AAK1: variants seen among roughly 807,000 people sequenced by gnomAD.
AAK1 encodes AP2-associated protein kinase 1.
A neutral mutation model predicts 116.0 loss-of-function variants in AAK1; 37 were observed. The observed-to-expected ratio is 0.32, with a 90% CI of 0.25 to 0.42. The LOEUF (loss-of-function observed/expected upper bound fraction) is 0.42, where lower values mean the gene tolerates loss of function less well. Among genes scored for constraint, AAK1 ranks in the 10% least tolerant of loss-of-function variants. The pLI is 1.00. For missense variants in AAK1, 919 were observed against 1,170.6 expected (o/e 0.79, Z 3.14); for synonymous variants, 458 against 439.9 (o/e 1.04, Z -0.51).
intron 20 of AAK1, among the ~76,000 whole-genome samples, chr2:69,478,104 T>TTGAAGG (rs1674919976): frequency 6.6e-6 from 1 of 152,254 alleles, no homozygotes; most frequent in African/African-American, 2.4e-5. Flanking sequence ...CAATCATGAC[T>TTGAAGG]TGAAGGTGAA....
At chr2:69,633,049 A>T (rs189402156) in intron 2 of AAK1, among the ~76,000 whole-genome samples, 335 of 150,274 alleles carry the variant, frequency 2.2e-3, no homozygotes, top group African/African-American at 7.5e-3. Flanking sequence ...AAAAATAAAT[A>T]AAAATAAAAA....
chr2:69,610,050 CAAAAAAAAAA>C (rs760754177), intron 2 of AAK1, among the ~76,000 whole-genome samples: 17 of 53,540 alleles, frequency 3.2e-4, no homozygotes, highest in Admixed American at 2.8e-3. Context: ...GACTCTGTCT[CAAAAAAAAAA>C]AAAAAAAAAA....
At chr2:69,603,686 A>G (rs1413396272) in intron 2 of AAK1, among the ~76,000 whole-genome samples, 1 of 152,224 alleles carries the variant, frequency 6.6e-6, no homozygotes, top group Non-Finnish European at 1.5e-5. Flanking sequence ...ATTTAGGTAT[A>G]CAATTTAAAA....
chr2:69,595,439 A>G (rs983675239), intron 2 of AAK1, among the ~76,000 whole-genome samples: 1 of 152,206 alleles, frequency 6.6e-6, no homozygotes, highest in East Asian at 1.9e-4. Context: ...TTGAAGTGCT[A>G]CATGAATGAT....
At position 69,465,621 on chromosome 2, in the gene AAK1, C is replaced by T. The variant is rs373774938; in HGVS notation, c.*10248G>A. The T allele has an allele frequency of 9.2e-5, 119 of 1,290,780 alleles. No individual in the cohort carries two copies. Among genetic ancestry groups the T allele is most frequent in the East Asian group, 6.1e-4 (11 of 18,042 alleles). 80.0% of individuals were successfully genotyped at this position (1,290,780 alleles called of 1,614,324 possible). On this transcript the variant is annotated 3_prime_UTR_variant, in exon 22 of 22. Transcript: ENST00000409085. ...TGGCTCGTCTTCTGGGCTATAGTGA[C>T]GGGAATACTTGGATAAGGACTGGGG...
At chr2:69,641,060 G>A (rs1675700164) in intron 2 of AAK1, among the ~76,000 whole-genome samples, 1 of 152,164 alleles carries the variant, frequency 6.6e-6, no homozygotes, top group African/African-American at 2.4e-5. Context: ...AATACGTGAT[G>A]CGCAGTTCTC....
chr2:69,612,344 C>T (rs1194197040), intron 2 of AAK1, among the ~76,000 whole-genome samples: 1 of 152,198 alleles, frequency 6.6e-6, no homozygotes, highest in Non-Finnish European at 1.5e-5. Context: ...AGTCCTTCTA[C>T]CTATTAGCAG....
intron 17 of AAK1, among the ~76,000 whole-genome samples, chr2:69,488,178 G>GTT (rs1491220244): frequency 6.6e-6 from 1 of 150,884 alleles, no homozygotes; most frequent in African/African-American, 2.5e-5. Flanking sequence ...GTGTGTGTGT[G>GTT]TTTGAGGGAG....
At chr2:69,546,183 A>G (rs1417861849) in intron 3 of AAK1, among the ~76,000 whole-genome samples, 1 of 152,168 alleles carries the variant, frequency 6.6e-6, no homozygotes, top group Non-Finnish European at 1.5e-5. Flanking sequence ...GAGAACTCAA[A>G]TGAGTTCGTA....
chr2:69,614,455 T>C (rs1674226804), intron 2 of AAK1, among the ~76,000 whole-genome samples: 1 of 152,118 alleles, frequency 6.6e-6, no homozygotes, highest in Admixed American at 6.5e-5. Flanking sequence ...AGCTGAAAGT[T>C]TCCCGAGAGT....
Position 69,473,994 on chromosome 2 carries a change from C to T in AAK1, c.*1875G>A, listed in dbSNP as rs1674764017. 1.0e-6 allele frequency: 1 copy of T among 985,804 alleles called. No homozygotes were observed. 61.1% of individuals were successfully genotyped at this position (985,804 alleles called of 1,614,324 possible). On this transcript the variant is annotated 3_prime_UTR_variant, in exon 22 of 22. Transcript: ENST00000409085. ...TGCCTCTCTCAGTTTTGGAAATGGT[C>T]TGTTATTCAACTAGAGGCCTTTACC...
At chr2:69,592,666 GAA>G (rs923755566) in intron 2 of AAK1, among the ~76,000 whole-genome samples, 1 of 152,068 alleles carries the variant, frequency 6.6e-6, no homozygotes, top group African/African-American at 2.4e-5. Context: ...AGTGGCAAGT[GAA>G]AAAAAGTTTC....
At chr2:69,554,726 C>T (rs922086935) in intron 3 of AAK1, among the ~76,000 whole-genome samples, 3 of 152,136 alleles carry the variant, frequency 2.0e-5, no homozygotes, top group African/African-American at 4.8e-5. Flanking sequence ...AAGAGGTTGC[C>T]GCTGGGACCT....
intron 5 of AAK1, among the ~76,000 whole-genome samples, chr2:69,537,992 T>C (rs536562234): frequency 2.6e-5 from 4 of 152,352 alleles, no homozygotes; most frequent in African/African-American, 9.6e-5. Context: ...TCTTCAATAT[T>C]GATGAAAACA....
intron 2 of AAK1, among the ~76,000 whole-genome samples, chr2:69,585,713 A>G (rs896991697): frequency 9.9e-5 from 15 of 152,246 alleles, no homozygotes; most frequent in African/African-American, 3.6e-4. Context: ...GACTAGATCA[A>G]AAGTTTTACA....
intron 2 of AAK1, chr2:69,598,034 G>A: frequency 2.4e-6 from 1 of 412,098 alleles, no homozygotes; most frequent in Non-Finnish European, 4.1e-6. Flanking sequence ...CAAAATGTTA[G>A]CACTGTGCTT....
At chr2:69,529,521 G>A (rs1670158523) in intron 8 of AAK1, among the ~76,000 whole-genome samples, 1 of 152,106 alleles carries the variant, frequency 6.6e-6, no homozygotes, top group Non-Finnish European at 1.5e-5. Flanking sequence ...AAAGCATTGA[G>A]TTTAGATGCA....
In AAK1 at chr2:69,473,838, G is replaced by A. The variant is rs978383788; in HGVS notation, c.*2031C>T. On this transcript the variant is annotated 3_prime_UTR_variant, in exon 22 of 22. Coordinates refer to ENST00000409085, the MANE Select transcript of AAK1 (RefSeq NM_014911.5). Reference sequence around the variant, plus strand: ...ACATTCTTTCTATGTCCAGGAAAGAGAATACAATTCTGACCTGCAGCAATT... The same window carrying A: ...ACATTCTTTCTATGTCCAGGAAAGAAAATACAATTCTGACCTGCAGCAATT... 6.1e-6 allele frequency: 6 copies of A among 985,606 alleles called. No individual in the cohort carries two copies. In the African/African-American group the frequency reaches 1.0e-4, roughly 17 times the overall value. The allele number at this position is 985,606 out of a possible 1,614,324, so 61.1% of individuals were successfully genotyped here.
At chr2:69,502,524 G>A (rs1262677721) in intron 16 of AAK1, among the ~76,000 whole-genome samples, 2 of 152,188 alleles carry the variant, frequency 1.3e-5, no homozygotes, top group African/African-American at 2.4e-5. Flanking sequence ...GGGAGGCTGA[G>A]GCAGGAGAAT....
Sources: gnomAD v4.1 joint callset for allele counts (sites outside exome capture counted in the v4.1 genomes callset) on GRCh38, gnomAD v4.1.1 for gene constraint, MANE v1.5 for transcripts, NCBI Gene and HGNC (gene_info 2026-07-23, HGNC 2026-07-21) for gene names.